UGT2B7: variants seen among roughly 807,000 people sequenced by gnomAD.
The protein encoded by UGT2B7 is UDP glucuronosyltransferase family 2 member B7.
Under a neutral mutation model 51.9 loss-of-function variants are expected in UGT2B7, and 51 were observed. The observed-to-expected ratio is 0.98, with a 90% CI of 0.78 to 1.24. The LOEUF (loss-of-function observed/expected upper bound fraction) is 1.24, where lower values mean the gene tolerates loss of function less well. UGT2B7 is among the 50% of genes most tolerant of loss of function. The pLI, the probability that UGT2B7 is intolerant of heterozygous loss-of-function variation, is 0.00. For missense variants in UGT2B7, 727 were observed against 628.4 expected (o/e 1.16, Z -1.68); for synonymous variants, 225 against 211.6 (o/e 1.06, Z -0.55).
chr4:69,081,866 A>G (rs1213952433), intron 1 of UGT2B7, among the ~76,000 whole-genome samples: 1 of 152,154 alleles, frequency 6.6e-6, no homozygotes, highest in Non-Finnish European at 1.5e-5. Flanking sequence ...ATTATGGTTT[A>G]CACATATTTA....
chr4:69,104,998 A>G (rs1446294684), intron 3 of UGT2B7, among the ~76,000 whole-genome samples: 1 of 152,182 alleles, frequency 6.6e-6, no homozygotes, highest in Non-Finnish European at 1.5e-5. Context: ...AAGTACCCAC[A>G]TAGCCAGATA....
intron 2 of UGT2B7, among the ~76,000 whole-genome samples, chr4:69,100,792 G>A (rs1482455485): frequency 1.3e-5 from 2 of 151,966 alleles, no homozygotes; most frequent in South Asian, 2.1e-4. Flanking sequence ...CCCGTTCTTC[G>A]TTTATTATGT....
chr4:69,092,151 G>T (rs1719099679), upstream of UGT2B7, among the ~76,000 whole-genome samples: 1 of 152,100 alleles, frequency 6.6e-6, no homozygotes, highest in African/African-American at 2.4e-5. Flanking sequence ...TGTTACCCAG[G>T]CTGGTCTCAA....
At chr4:69,103,081 A>G (rs1560510739) in intron 3 of UGT2B7, 143 bp downstream of exon 3, 2 of 1,441,818 alleles carry the variant, frequency 1.4e-6, no homozygotes, top group Non-Finnish European at 1.8e-6. Flanking sequence ...TGGAGAAACT[A>G]TGAGAAGTTT....
intron 1 of UGT2B7, 119 bp from the exon 2 acceptor site, chr4:69,098,421 A>G: frequency 3.4e-6 from 4 of 1,176,496 alleles, no homozygotes; most frequent in Non-Finnish European, 4.7e-6. Flanking sequence ...ATGTGTATAT[A>G]TTTTTCAAAG....
Position 69,112,774 on chromosome 4 carries a change from G to T in UGT2B7, c.*38G>T. 6.2e-7 allele frequency: 1 copy of T among 1,607,050 alleles called. No homozygotes were observed. Among genetic ancestry groups the T allele is most frequent in the Non-Finnish European group, 8.5e-7 (1 of 1,177,428 alleles). On this transcript the variant is annotated 3_prime_UTR_variant, in exon 6 of 6. Transcript: ENST00000305231. ...TTTGAAGCTGGAAAACCTGATAGGT[G>T]AGACTACTTCAGTTTATTCCAGCAA...
At chr4:69,108,425 G>T (rs1037133083) in intron 5 of UGT2B7, 103 bp downstream of exon 5, 3 of 1,321,604 alleles carry the variant, frequency 2.3e-6, no homozygotes, top group Non-Finnish European at 2.0e-6. Context: ...AATTTTGAAA[G>T]AATTTAAATG....
chr4:69,081,235 A>T (rs1385753640), intron 1 of UGT2B7, among the ~76,000 whole-genome samples: 1 of 152,202 alleles, frequency 6.6e-6, no homozygotes, highest in Non-Finnish European at 1.5e-5. Flanking sequence ...TTGTTGATAC[A>T]ACACTTTCAG....
chr4:69,078,748 G>A (rs529425761), intron 1 of UGT2B7, among the ~76,000 whole-genome samples: 3 of 152,094 alleles, frequency 2.0e-5, no homozygotes, highest in African/African-American at 4.8e-5. Flanking sequence ...AAGTGAGAAC[G>A]CTAGGTGGGT....
intron 1 of UGT2B7, among the ~76,000 whole-genome samples, chr4:69,065,422 C>T (rs927230829): frequency 6.6e-6 from 1 of 152,142 alleles, no homozygotes. Context: ...AAAGAGTTAA[C>T]AGCCAACAGA....
intron 3 of UGT2B7, among the ~76,000 whole-genome samples, chr4:69,104,767 A>G (rs76482848): frequency 0.023 from 3,518 of 152,228 alleles, 138 homozygotes; most frequent in African/African-American, 0.08. Context: ...CACTGTACAC[A>G]CTACAGGTGT....
At chr4:69,055,284 A>T (rs1457585716) in intron 1 of UGT2B7, among the ~76,000 whole-genome samples, 1 of 151,218 alleles carries the variant, frequency 6.6e-6, no homozygotes. Context: ...GAGATGTGTT[A>T]ATACTGGTCT....
intron 5 of UGT2B7, 55 bp downstream of exon 5, chr4:69,108,377 A>G: frequency 6.3e-7 from 1 of 1,583,722 alleles, no homozygotes; most frequent in Non-Finnish European, 8.6e-7. Context: ...TTCTCTTGTC[A>G]ATAGTGAGTG....
chr4:69,082,007 C>T (rs959357333), intron 1 of UGT2B7, among the ~76,000 whole-genome samples: 5 of 152,030 alleles, frequency 3.3e-5, no homozygotes, highest in African/African-American at 7.2e-5. Context: ...CTAATTTTCA[C>T]AAAATTTCAA....
At chr4:69,100,500 T>C (rs1719386677) in intron 2 of UGT2B7, among the ~76,000 whole-genome samples, 3 of 152,042 alleles carry the variant, frequency 2.0e-5, no homozygotes, top group African/African-American at 4.8e-5. Flanking sequence ...ACTCAATATC[T>C]ATGTTGAATG....
intron 2 of UGT2B7, among the ~76,000 whole-genome samples, chr4:69,099,716 T>C (rs970793547): frequency 6.6e-6 from 1 of 152,012 alleles, no homozygotes; most frequent in African/African-American, 2.4e-5. Flanking sequence ...GACTCAGAAA[T>C]ATTATTAATT....
chr4:69,052,668 GAAA>G (rs1039365590), intron 1 of UGT2B7, among the ~76,000 whole-genome samples: 1 of 66,218 alleles, frequency 1.5e-5, no homozygotes. Context: ...GTTGTTTCAA[GAAA>G]AAAATGTTTG....
chr4:69,105,968 A>T (rs1179772990), intron 3 of UGT2B7, among the ~76,000 whole-genome samples: 1 of 152,148 alleles, frequency 6.6e-6, no homozygotes, highest in Admixed American at 6.6e-5. Context: ...ACTAATATAA[A>T]ATACATAAAA....
intron 1 of UGT2B7, among the ~76,000 whole-genome samples, chr4:69,062,118 A>G (rs1005541480): frequency 3.9e-5 from 6 of 152,134 alleles, no homozygotes; most frequent in African/African-American, 1.4e-4. Context: ...CTCAGTAAAG[A>G]TGGAGCACAT....
Sources: gnomAD v4.1 joint callset for allele counts (sites outside exome capture counted in the v4.1 genomes callset) on GRCh38, gnomAD v4.1.1 for gene constraint, MANE v1.5 for transcripts, NCBI Gene and HGNC (gene_info 2026-07-23, HGNC 2026-07-21) for gene names.